The following ACACB variants were observed in gnomAD, a reference collection of about 807,000 sequenced individuals.
The protein encoded by ACACB is acetyl-CoA carboxylase 2.
ACACB carries 209 observed loss-of-function variants against 278.8 expected under a neutral mutation model. The observed-to-expected ratio is 0.75, with a 90% CI of 0.67 to 0.84. The LOEUF (loss-of-function observed/expected upper bound fraction) is 0.84, where lower values mean the gene tolerates loss of function less well. Ranked by LOEUF, ACACB falls within the 40% of genes least tolerant of loss-of-function variation. ACACB has a pLI of 0.00. For missense variants in ACACB, 2,850 were observed against 3,269.0 expected (o/e 0.87, Z 3.13); for synonymous variants, 1,174 against 1,285.6 (o/e 0.91, Z 1.86).
intron 48 of ACACB, 58 bp from the exon 49 acceptor site, chr12:109,262,299 G>A (rs2047399036): frequency 1.4e-6 from 2 of 1,383,762 alleles, no homozygotes; most frequent in Non-Finnish European, 2.0e-6. Context: ...ACATCCATTA[G>A]CCCTTGCTTG....
Position 109,172,284 on chromosome 12 carries a change from G to A in ACACB, c.1045G>A (p.Ala349Thr), listed in dbSNP as rs1207644249. The A allele has an allele frequency of 6.2e-7, 1 of 1,613,854 alleles. No homozygotes were observed. Among genetic ancestry groups the A allele is most frequent in the East Asian group, 2.2e-5 (1 of 44,878 alleles). ...AKRIPVQAVW[A>T]GWGHASENPK... ...CTTTCTGTGTTTGCAGGCGGTGTGGGCTGGCTGGGGCCATGCTTCAGAAAA... is the reference window on the plus strand; with the variant it reads ...CTTTCTGTGTTTGCAGGCGGTGTGGACTGGCTGGGGCCATGCTTCAGAAAA... The change falls in exon 6 of 53, where the codon GCT (alanine) becomes ACT (threonine). Residue 349 changes from alanine to threonine, a missense_variant. Ala to Thr is a moderately conservative substitution (Grantham distance 58, BLOSUM62 0). Coordinates refer to ENST00000338432, the MANE Select transcript of ACACB (RefSeq NM_001093.4).
chr12:109,254,986 G>A (rs1488259292), intron 44 of ACACB, among the ~76,000 whole-genome samples: 1 of 151,990 alleles, frequency 6.6e-6, no homozygotes, highest in Non-Finnish European at 1.5e-5. Flanking sequence ...TGTTGGCCAG[G>A]CTGGTCTTGA....
At chr12:109,227,562 A>G (rs1367392713) in intron 28 of ACACB, 73 bp downstream of exon 28, 1 of 1,452,142 alleles carries the variant, frequency 6.9e-7, no homozygotes, top group Non-Finnish European at 9.6e-7. Flanking sequence ...TGTCTCTGGA[A>G]GGACCTGGCA....
At chr12:109,236,982 C>T (rs1290107183) in intron 33 of ACACB, among the ~76,000 whole-genome samples, 183 bp from the exon 34 acceptor site, 3 of 152,066 alleles carry the variant, frequency 2.0e-5, no homozygotes, top group Admixed American at 6.6e-5. Flanking sequence ...TTAGCAAAAC[C>T]CCAAATATCT....
Position 109,265,014 on chromosome 12 carries a change from G to A in ACACB, c.6943-96G>A, listed in dbSNP as rs559764935. 4.2e-5 allele frequency: 58 copies of A among 1,387,298 alleles called. No homozygotes were observed. In the South Asian group the frequency reaches 7.9e-4, roughly 19 times the overall value. The allele number at this position is 1,387,298 out of a possible 1,614,324, so 85.9% of individuals were successfully genotyped here. On this transcript the variant is annotated intron_variant, in intron 50 of 52. Coordinates refer to ENST00000338432, the MANE Select transcript of ACACB (RefSeq NM_001093.4). ...ATCTGGGAATGATCTCAGAGCCTGG[G>A]CCCAGCCCCGGGCAGCCACTGTCAT...
intron 18 of ACACB, among the ~76,000 whole-genome samples, chr12:109,200,517 CA>C (rs2045300436): frequency 6.6e-6 from 1 of 152,046 alleles, no homozygotes; most frequent in South Asian, 2.1e-4. Flanking sequence ...TATTGTCAAT[CA>C]ATGATTAAAT....
At position 109,260,637 on chromosome 12, in the gene ACACB, G is replaced by A. The variant is rs1458647667; in HGVS notation, c.6654G>A (p.Met2218Ile). ...DATINPLCIE[M>I]YADKESRGGV... ...CCATCAACCCGCTGTGCATAGAAATGTATGCAGACAAAGAGAGCAGGTGGG... is the reference window on the plus strand; with the variant it reads ...CCATCAACCCGCTGTGCATAGAAATATATGCAGACAAAGAGAGCAGGTGGG... The change falls in exon 48 of 53, where the codon ATG becomes ATA. Residue 2218 changes from methionine (M) to isoleucine (I), a missense_variant. Coordinates refer to ENST00000338432, the MANE Select transcript of ACACB (RefSeq NM_001093.4). The A allele has an allele frequency of 1.9e-6, 3 of 1,589,506 alleles. No homozygotes were observed. Among genetic ancestry groups the A allele is most frequent in the Non-Finnish European group, 2.6e-6 (3 of 1,168,632 alleles).
chr12:109,236,791 CG>C (rs1193262529), intron 33 of ACACB, among the ~76,000 whole-genome samples: 5 of 151,168 alleles, frequency 3.3e-5, no homozygotes, highest in African/African-American at 1.2e-4. Context: ...GCTTTCTTTT[CG>C]GGGACCAATT....
intron 35 of ACACB, 141 bp downstream of exon 35, chr12:109,240,126 G>GGTTTGCTCTCCTCCC: frequency 1.0e-6 from 1 of 998,318 alleles, no homozygotes; most frequent in Non-Finnish European, 1.4e-6. Flanking sequence ...TGCTGCGGGA[G>GGTTTGCTCTCCTCCC]GAGAGCAAAC....
intron 4 of ACACB, among the ~76,000 whole-genome samples, chr12:109,170,374 T>C (rs925850809): frequency 3.3e-5 from 5 of 152,142 alleles, no homozygotes; most frequent in Admixed American, 6.6e-5. Context: ...CAGCGTGTGT[T>C]TTTTTAAGGA....
At chr12:109,196,161 C>T (rs886811355) in intron 16 of ACACB, among the ~76,000 whole-genome samples, 15 of 152,140 alleles carry the variant, frequency 9.9e-5, no homozygotes, top group African/African-American at 2.7e-4. Context: ...AGGCGCTCTT[C>T]CTGGAGGGAG....
chr12:109,194,511 C>CGTGTGGT (rs529461816), intron 16 of ACACB, among the ~76,000 whole-genome samples: 2 of 54,282 alleles, frequency 3.7e-5, no homozygotes, highest in Non-Finnish European at 7.6e-5. Context: ...TCTGTGTGTG[C>CGTGTGGT]ATGTGTGTGT....
intron 16 of ACACB, among the ~76,000 whole-genome samples, chr12:109,195,623 T>C (rs2045095161): frequency 6.6e-6 from 1 of 152,240 alleles, no homozygotes. Context: ...TGTTATATAT[T>C]TTTTTCCTTT....
chr12:109,241,111 T>C lies in ACACB; in HGVS notation c.4852T>C (p.Tyr1618His). ...GTCCGTGCGCTACATGGTTATGCGCTACGGCAGCCGGCTGTGGAAACTCCG... is the reference window on the plus strand; with the variant it reads ...GTCCGTGCGCTACATGGTTATGCGCCACGGCAGCCGGCTGTGGAAACTCCG... ...EESVRYMVMRYGSRLWKLRVL... is the reference protein window; with the variant it reads ...EESVRYMVMRHGSRLWKLRVL... The change falls in exon 36 of 53, where the codon TAC becomes CAC. Residue 1618 changes from tyrosine to histidine, a missense_variant. Physicochemically the swap from Tyr to His is moderately conservative, Grantham distance 83 (BLOSUM62 2). Transcript: ENST00000338432. 1 of 1,614,178 alleles carries C rather than the reference T, an allele frequency of 6.2e-7. No individual in the cohort carries two copies. Among genetic ancestry groups the C allele is most frequent in the South Asian group, 1.1e-5 (1 of 91,084 alleles).
At chr12:109,193,854 G>A (rs2044989527) in intron 16 of ACACB, 125 bp downstream of exon 16, 1 of 802,880 alleles carries the variant, frequency 1.2e-6, no homozygotes, top group Admixed American at 2.2e-5. Flanking sequence ...GTGTTCCTCG[G>A]GAATCCCCAT....
intron 33 of ACACB, 37 bp from the exon 34 acceptor site, chr12:109,237,128 T>G: frequency 6.2e-7 from 1 of 1,605,468 alleles, no homozygotes; most frequent in Non-Finnish European, 8.5e-7. Flanking sequence ...ACGCTGTGTG[T>G]GTATGTGTCT....
At position 109,139,971 on chromosome 12, in the gene ACACB, G is replaced by A. The variant is rs118018469; in HGVS notation, c.566G>A (p.Arg189Gln). Residue 189 changes from arginine (R) to glutamine (Q), a missense_variant, in exon 2 of 53, where the codon CGG becomes CAG. Coordinates refer to ENST00000338432, the MANE Select transcript of ACACB (RefSeq NM_001093.4). Reference protein sequence around the residue: ...SVAGSSRESTRKGSRASLGAL... With the variant: ...SVAGSSRESTQKGSRASLGAL... Reference sequence around the variant, plus strand: ...GCTGGCTCATCTCGTGAGTCTACCCGGAAGGGCAGCCGGGCCAGCTTGGGG... The same window carrying A: ...GCTGGCTCATCTCGTGAGTCTACCCAGAAGGGCAGCCGGGCCAGCTTGGGG... 2,488 of 1,613,860 alleles carry A rather than the reference G, an allele frequency of 1.5e-3. 7 individuals carry two copies. The highest frequency in any genetic ancestry group is 1.9e-3 in the Non-Finnish European group (2,279 of 1,180,026).
intron 19 of ACACB, among the ~76,000 whole-genome samples, chr12:109,202,894 AT>A: frequency 6.6e-6 from 1 of 152,298 alleles, no homozygotes; most frequent in Non-Finnish European, 1.5e-5. Context: ...CATCTTAGCC[AT>A]TTTTAAATGT....
At chr12:109,219,260 C>G (rs777685295) in intron 24 of ACACB, among the ~76,000 whole-genome samples, 5 of 152,118 alleles carry the variant, frequency 3.3e-5, no homozygotes, top group Non-Finnish European at 5.9e-5. Flanking sequence ...CAGAGTTTGG[C>G]CACGATCTCA....
Sources: allele counts gnomAD v4.1 joint callset (sites outside exome capture counted in the v4.1 genomes callset), GRCh38; gene constraint gnomAD v4.1.1; transcripts MANE v1.5; gene names NCBI Gene and HGNC (gene_info 2026-07-23, HGNC 2026-07-21).